Variants in MAGI1 observed in about 807,000 individuals in gnomAD.
The protein encoded by MAGI1 is membrane associated guanylate kinase, WW and PDZ domain containing 1.
In MAGI1, 58 loss-of-function variants were observed where a neutral mutation model predicts 139.9. That is an observed-to-expected ratio of 0.41 (90% CI 0.34 to 0.52). MAGI1 has a LOEUF of 0.52. MAGI1 is among the 20% of genes least tolerant of loss of function. The pLI, the probability that MAGI1 is intolerant of heterozygous loss-of-function variation, is 0.12. For missense variants in MAGI1, 1,874 were observed against 1,901.6 expected (o/e 0.99, Z 0.27); for synonymous variants, 812 against 737.9 (o/e 1.10, Z -1.63).
At chr3:65,875,757 A>G (rs1333970631) in intron 1 of MAGI1, among the ~76,000 whole-genome samples, 1 of 152,218 alleles carries the variant, frequency 6.6e-6, no homozygotes, top group African/African-American at 2.4e-5. Context: ...GAAGAAGAAG[A>G]TAAAGGAATA....
chr3:65,506,795 ATAT>A (rs2077306337), intron 2 of MAGI1, among the ~76,000 whole-genome samples: 1 of 152,192 alleles, frequency 6.6e-6, no homozygotes, highest in African/African-American at 2.4e-5. Flanking sequence ...TATTGAGCAA[ATAT>A]TATATAACTA....
intron 1 of MAGI1, among the ~76,000 whole-genome samples, chr3:65,968,901 C>T (rs745364629): frequency 6.6e-6 from 1 of 152,122 alleles, no homozygotes; most frequent in Non-Finnish European, 1.5e-5. Flanking sequence ...CAATTAAATG[C>T]TTATCGTATG....
chr3:65,418,096 C>T (rs951536407), intron 12 of MAGI1, among the ~76,000 whole-genome samples: 2 of 152,098 alleles, frequency 1.3e-5, no homozygotes, highest in Non-Finnish European at 2.9e-5. Flanking sequence ...GAGGAGTTCC[C>T]GCAACAGATA....
chr3:65,642,364 C>G (rs1201642413), intron 1 of MAGI1, among the ~76,000 whole-genome samples: 3 of 152,154 alleles, frequency 2.0e-5, no homozygotes, highest in African/African-American at 7.2e-5. Flanking sequence ...TGCCACTGGT[C>G]AAACATGCTA....
At chr3:65,470,204 C>T in intron 5 of MAGI1, 79 bp downstream of exon 5, 1 of 949,140 alleles carries the variant, frequency 1.1e-6, no homozygotes, top group Middle Eastern at 3.3e-4. Context: ...ATGTAATTTA[C>T]ATTGGCAACT....
chr3:65,896,704 C>T (rs1476828434), intron 1 of MAGI1, among the ~76,000 whole-genome samples: 3 of 152,070 alleles, frequency 2.0e-5, no homozygotes. Context: ...CTGGAAACAA[C>T]CTAAATACCC....
chr3:66,000,222 C>T (rs562599588), intron 1 of MAGI1, among the ~76,000 whole-genome samples: 4 of 152,056 alleles, frequency 2.6e-5, no homozygotes, highest in South Asian at 2.1e-4. Flanking sequence ...GTGATCTGCC[C>T]GCCTCGGCCT....
In MAGI1 at chr3:65,478,713, AGACTGAAGGCTGT is replaced by A; in HGVS notation, c.623_635del (p.His208LeufsTer22). On this transcript the variant is annotated frameshift_variant, in exon 4 of 23. Transcript: ENST00000402939. LOFTEE classifies it high-confidence loss of function. ...GCTTCGGGGTCGACTGCTTAGAGCCAGACTGAAGGCTGTGCAAGGCATCCGTCGTGATCACTTT... is the reference window on the plus strand; with the variant it reads ...GCTTCGGGGTCGACTGCTTAGAGCCAGCAAGGCATCCGTCGTGATCACTTT... 1 of 1,614,128 alleles carries A rather than the reference AGACTGAAGGCTGT, an allele frequency of 6.2e-7. No homozygotes were observed. Among genetic ancestry groups the A allele is most frequent in the Non-Finnish European group, 8.5e-7 (1 of 1,179,998 alleles).
In MAGI1 at chr3:65,592,350, C is replaced by A. The variant is rs2082008792; in HGVS notation, c.430+29622G>T. Among the ~76,000 whole-genome samples, 6 of 152,162 alleles carry A rather than the reference C, an allele frequency of 3.9e-5. No homozygotes were observed. The South Asian group carries it at 1.2e-3, about 32-fold the overall frequency. ...TTGTAACTGAATACAAAGTGTGCAACTGAACTAGCATGCAAAGGGGAGTTA... is the reference window on the plus strand; with the variant it reads ...TTGTAACTGAATACAAAGTGTGCAAATGAACTAGCATGCAAAGGGGAGTTA... On this transcript the variant is annotated intron_variant, in intron 2 of 22. Transcript: ENST00000402939.
At chr3:66,014,343 G>T (rs961139209) in intron 1 of MAGI1, among the ~76,000 whole-genome samples, 3 of 152,068 alleles carry the variant, frequency 2.0e-5, no homozygotes, top group Admixed American at 6.6e-5. Context: ...ACCCAACCAG[G>T]TCAGCAGTAG....
intron 17 of MAGI1, among the ~76,000 whole-genome samples, chr3:65,378,955 T>TA (rs771849209): frequency 1.5e-4 from 23 of 152,198 alleles, no homozygotes; most frequent in Non-Finnish European, 1.2e-4. Context: ...GTGCTGGGAT[T>TA]ACAGGCGTGA....
intron 2 of MAGI1, among the ~76,000 whole-genome samples, chr3:65,505,838 T>TA (rs761473365): frequency 1.2e-4 from 19 of 152,108 alleles, no homozygotes; most frequent in Middle Eastern, 6.8e-3. Context: ...ATAAAGTTGT[T>TA]AAAAAAACTC....
chr3:65,844,553 C>A (rs923360687), intron 1 of MAGI1: 1 of 199,874 alleles, frequency 5.0e-6, no homozygotes, highest in African/African-American at 2.4e-5. Flanking sequence ...ATTGAAAGCT[C>A]TGATCTTGCC....
chr3:65,993,110 C>T (rs1353401647), intron 1 of MAGI1, among the ~76,000 whole-genome samples: 1 of 152,132 alleles, frequency 6.6e-6, no homozygotes, highest in African/African-American at 2.4e-5. Flanking sequence ...GGACTACATG[C>T]ACCTGGCTTC....
At chr3:65,883,749 C>T (rs1411085944) in intron 1 of MAGI1, among the ~76,000 whole-genome samples, 2 of 152,212 alleles carry the variant, frequency 1.3e-5, no homozygotes, top group East Asian at 3.8e-4. Context: ...TTTTCCCTGT[C>T]TCTTGCCCTC....
chr3:65,813,575 T>C (rs752328803), intron 1 of MAGI1, among the ~76,000 whole-genome samples: 23 of 152,220 alleles, frequency 1.5e-4, no homozygotes, highest in Non-Finnish European at 3.4e-4. Context: ...GAGTTGACTA[T>C]GGGTAAGTAA....
intron 1 of MAGI1, among the ~76,000 whole-genome samples, chr3:65,813,481 T>C (rs2041411517): frequency 6.6e-6 from 1 of 152,210 alleles, no homozygotes; most frequent in African/African-American, 2.4e-5. Flanking sequence ...TGAGCTTCTA[T>C]TTAGGGCCTA....
intron 5 of MAGI1, among the ~76,000 whole-genome samples, chr3:65,464,172 T>A (rs2107550833): frequency 6.6e-6 from 1 of 152,266 alleles, no homozygotes; most frequent in South Asian, 2.1e-4. Context: ...TTCTTCAATT[T>A]TTTTAATCCT....
At chr3:65,922,120 ATTATT>A (rs1231056534) in intron 1 of MAGI1, among the ~76,000 whole-genome samples, 1 of 152,190 alleles carries the variant, frequency 6.6e-6, no homozygotes, top group African/African-American at 2.4e-5. Flanking sequence ...TACAGGTACT[ATTATT>A]AGTTCCCTTT....
Sources: gnomAD v4.1 joint callset for allele counts (sites outside exome capture counted in the v4.1 genomes callset) on GRCh38, gnomAD v4.1.1 for gene constraint, MANE v1.5 for transcripts, NCBI Gene and HGNC (gene_info 2026-07-23, HGNC 2026-07-21) for gene names.